Variants in DNAH7 observed in about 807,000 individuals in gnomAD.
DNAH7 encodes the protein dynein axonemal heavy chain 7, also known as axonemal beta dynein heavy chain 7.
In DNAH7, 397 loss-of-function variants were observed where a neutral mutation model predicts 444.6. The observed-to-expected ratio is 0.89, with a 90% CI of 0.82 to 0.97. The LOEUF (loss-of-function observed/expected upper bound fraction) is 0.97, where lower values mean the gene tolerates loss of function less well. DNAH7 is among the 50% of genes least tolerant of loss of function. The pLI is 0.00. For synonymous variants in DNAH7, 1,636 were observed against 1,624.4 expected, an observed-to-expected ratio of 1.01 and a Z score of -0.17; for missense variants, 4,902 against 4,800.8, an observed-to-expected ratio of 1.02 and a Z score of -0.62.
intron 20 of DNAH7, among the ~76,000 whole-genome samples, chr2:195,936,084 A>G (rs1689029699): frequency 6.6e-6 from 1 of 152,152 alleles, no homozygotes; most frequent in African/African-American, 2.4e-5. Context: ...TGATAAGTTA[A>G]GAAATCTGGC....
intron 49 of DNAH7, among the ~76,000 whole-genome samples, chr2:195,819,729 G>A (rs1697371570): frequency 6.6e-6 from 1 of 152,066 alleles, no homozygotes; most frequent in Admixed American, 6.6e-5. Flanking sequence ...CTTCCCCCAA[G>A]CAAAGGACAC....
At chr2:195,879,071 T>A (rs1368223108) in intron 36 of DNAH7, among the ~76,000 whole-genome samples, 1 of 152,140 alleles carries the variant, frequency 6.6e-6, no homozygotes, top group African/African-American at 2.4e-5. Context: ...AACAAAATAT[T>A]ATAAACACAC....
At chr2:195,867,912 G>A (rs536653701) in intron 40 of DNAH7, among the ~76,000 whole-genome samples, 1 of 152,044 alleles carries the variant, frequency 6.6e-6, no homozygotes, top group East Asian at 1.9e-4. Flanking sequence ...TTTTTGCATG[G>A]ACATGTATCA....
intron 17 of DNAH7, among the ~76,000 whole-genome samples, chr2:195,962,873 T>C (rs1037557601): frequency 2.6e-5 from 4 of 152,150 alleles, no homozygotes; most frequent in Non-Finnish European, 4.4e-5. Context: ...GCAAAGTTTG[T>C]CTTTCTGTGC....
intron 41 of DNAH7, among the ~76,000 whole-genome samples, chr2:195,863,641 T>C (rs115843811): frequency 1.8e-3 from 278 of 152,246 alleles, no homozygotes; most frequent in African/African-American, 6.4e-3. Context: ...GGTATTTTGA[T>C]CCTCCCTTCC....
chr2:195,852,084 C>T (rs1254026180), intron 46 of DNAH7, among the ~76,000 whole-genome samples: 1 of 152,014 alleles, frequency 6.6e-6, no homozygotes, highest in Non-Finnish European at 1.5e-5. Flanking sequence ...TGGTGAAACC[C>T]CGTCTCTACT....
intron 59 of DNAH7, among the ~76,000 whole-genome samples, chr2:195,776,770 T>G (rs946917686): frequency 3.3e-5 from 5 of 152,214 alleles, no homozygotes; most frequent in African/African-American, 1.2e-4. Flanking sequence ...TACACACATA[T>G]TTTATATTTT....
intron 31 of DNAH7, 89 bp from the exon 32 acceptor site, chr2:195,889,070 A>C: frequency 8.1e-7 from 1 of 1,228,394 alleles, no homozygotes. Flanking sequence ...AAATTTTAAA[A>C]TATAAGTACT....
At chr2:195,782,537 T>C (rs1247919506) in intron 58 of DNAH7, among the ~76,000 whole-genome samples, 1 of 152,226 alleles carries the variant, frequency 6.6e-6, no homozygotes, top group Admixed American at 6.5e-5. Context: ...AAATATCATA[T>C]TCTTTCACTA....
intron 46 of DNAH7, among the ~76,000 whole-genome samples, chr2:195,845,370 T>G (rs1698922296): frequency 6.6e-6 from 1 of 152,212 alleles, no homozygotes; most frequent in Admixed American, 6.5e-5. Context: ...ATATTCAATG[T>G]TGAGATAAAA....
chr2:195,833,445 T>C (rs1014762932), intron 48 of DNAH7, among the ~76,000 whole-genome samples: 1 of 152,232 alleles, frequency 6.6e-6, no homozygotes, highest in Non-Finnish European at 1.5e-5. Context: ...GATTCTTCCA[T>C]ATTATATTAG....
intron 40 of DNAH7, among the ~76,000 whole-genome samples, chr2:195,870,926 C>A (rs1366320422): frequency 6.6e-6 from 1 of 152,156 alleles, no homozygotes; most frequent in Non-Finnish European, 1.5e-5. Flanking sequence ...ATCATCCTCC[C>A]TGTTCACTTC....
At chr2:195,740,601 GTGTGTGTGTGTGTGTATATATATATATA>G (rs1362720692) in intron 64 of DNAH7, among the ~76,000 whole-genome samples, 137 bp downstream of exon 64, 7 of 46,760 alleles carry the variant, frequency 1.5e-4, no homozygotes, top group African/African-American at 5.9e-4. Context: ...GTGTGTGTGT[GTGTGTGTGTGTGTGTATATATATATATA>G]TATATATATA....
At chr2:195,951,741 A>C (rs1690272167) in intron 19 of DNAH7, among the ~76,000 whole-genome samples, 1 of 151,460 alleles carries the variant, frequency 6.6e-6, no homozygotes, top group African/African-American at 2.4e-5. Context: ...TTTATCAGAG[A>C]CTAGGATTGC....
At chr2:195,794,663 G>T in intron 56 of DNAH7, 125 bp from the exon 57 acceptor site, 1 of 814,516 alleles carries the variant, frequency 1.2e-6, no homozygotes, top group Non-Finnish European at 1.9e-6. Flanking sequence ...TGTAACTGCT[G>T]CAATTTTCAG....
At chr2:195,785,381 G>T (rs968246962) in intron 58 of DNAH7, among the ~76,000 whole-genome samples, 4 of 151,584 alleles carry the variant, frequency 2.6e-5, no homozygotes, top group African/African-American at 4.9e-5. Flanking sequence ...TTTAAGACAG[G>T]GTCTTGTTTA....
chr2:195,858,391 C>T, intron 43 of DNAH7, 83 bp downstream of exon 43: 1 of 1,155,272 alleles, frequency 8.7e-7, no homozygotes, highest in East Asian at 2.7e-5. Flanking sequence ...TTCGGAGAGA[C>T]AAACTAGACT....
At chr2:195,872,122 C>T in intron 40 of DNAH7, 128 bp downstream of exon 40, 2 of 709,912 alleles carry the variant, frequency 2.8e-6, no homozygotes, top group Non-Finnish European at 2.3e-6. Context: ...TGAACACTGG[C>T]CTTCAAAATG....
At chr2:195,911,484 T>C (rs1687355936) in intron 24 of DNAH7, among the ~76,000 whole-genome samples, 3 of 151,944 alleles carry the variant, frequency 2.0e-5, no homozygotes, top group African/African-American at 7.3e-5. Flanking sequence ...TGACTGATAA[T>C]TTTTCAGAAT....
Sources: allele counts gnomAD v4.1 joint callset (sites outside exome capture counted in the v4.1 genomes callset), GRCh38; gene constraint gnomAD v4.1.1; transcripts MANE v1.5; gene names NCBI Gene and HGNC (gene_info 2026-07-23, HGNC 2026-07-21).